The following ZNF273 variants were observed in gnomAD, a reference collection of about 807,000 sequenced individuals.
The protein encoded by ZNF273 is zinc finger protein 273, also known as zinc finger protein 9.
A neutral mutation model predicts 14.9 loss-of-function variants in ZNF273; 11 were observed. The ratio of observed to expected loss-of-function variants is 0.74; its 90% CI spans 0.46 to 1.22. The LOEUF (loss-of-function observed/expected upper bound fraction) is 1.22. Among genes scored for constraint, ZNF273 ranks in the 50% most tolerant of loss-of-function variants. ZNF273 has a pLI of 0.00. For synonymous variants in ZNF273, 199 were observed against 223.9 expected, an observed-to-expected ratio of 0.89 and a Z score of 0.99; for missense variants, 577 against 660.6, an observed-to-expected ratio of 0.87 and a Z score of 1.39.
At chr7:64,882,937 C>A (rs544124327), downstream of ZNF273, among the ~76,000 whole-genome samples, 2 of 152,230 alleles carry the variant, frequency 1.3e-5, no homozygotes, top group East Asian at 1.9e-4. Context: ...GGGAGTGTTG[C>A]GAGTGTTGGC....
chr7:64,881,307 C>T (rs1359265837), downstream of ZNF273, among the ~76,000 whole-genome samples: 1 of 152,212 alleles, frequency 6.6e-6, no homozygotes, highest in Non-Finnish European at 1.5e-5. Context: ...TCTCGTGGGC[C>T]TAGGGTTTCC....
chr7:64,923,996 CA>C (rs1374568731), intron 3 of ZNF273: 1 of 151,932 alleles, frequency 6.6e-6, no homozygotes, highest in Non-Finnish European at 1.5e-5. Flanking sequence ...TTTATGTCTT[CA>C]AAAATGCAAT....
upstream of ZNF273, chr7:64,903,201 G>A: frequency 1.2e-6 from 1 of 802,510 alleles, no homozygotes; most frequent in Non-Finnish European, 2.0e-6. Context: ...CAGGGACGCT[G>A]GGCTGGGACC....
Position 64,927,654 on chromosome 7 carries a change from TTG to T in ZNF273, c.332_333del (p.Cys111PhefsTer31), listed in dbSNP as rs757343058. ...TAATTGTTACTTTTATTTCTTTCAG[TTG>T]TGTGTTCTCATTTTGCCCAAGACCT... On this transcript the variant is annotated frameshift_variant and splice_region_variant, in exon 4 of 4. Transcript: ENST00000476120. LOFTEE classifies it low-confidence loss of function (END_TRUNC). 3 of 1,557,054 alleles carry T rather than the reference TTG, an allele frequency of 1.9e-6. No individual in the cohort carries two copies. In the African/African-American group the frequency reaches 4.1e-5, roughly 22 times the overall value.
At chr7:64,926,327 ATG>A (rs1414248373) in intron 3 of ZNF273, among the ~76,000 whole-genome samples, 2 of 151,924 alleles carry the variant, frequency 1.3e-5, no homozygotes, top group South Asian at 2.1e-4. Flanking sequence ...GTGCTTATAT[ATG>A]TGTGTGTTAT....
At chr7:64,889,126 G>C (rs988005591), downstream of ZNF273, 34 of 985,804 alleles carry the variant, frequency 3.4e-5, no homozygotes, top group Non-Finnish European at 4.1e-5. This position sits in a 1 kb window ranked among gnomAD's most constrained non-coding sequence, Gnocchi z 4.2. Flanking sequence ...GCAGGGATCC[G>C]GGCCTCGTTG....
At chr7:64,888,356 G>A (rs1017813031) in intron 1 of ZNF273, 24 of 985,224 alleles carry the variant, frequency 2.4e-5, no homozygotes, top group African/African-American at 3.5e-5. Context: ...TGCTCCCAGG[G>A]GGAAGCGGGT....
chr7:64,917,458 AT>A, intron 1 of ZNF273, 122 bp from the exon 2 acceptor site: 2 of 1,406,596 alleles, frequency 1.4e-6, no homozygotes, highest in East Asian at 5.6e-5. Context: ...TTATTGGATA[AT>A]TTTAGTCACT....
intron 1 of ZNF273, among the ~76,000 whole-genome samples, chr7:64,887,389 C>A (rs1311305796): frequency 2.0e-5 from 3 of 152,194 alleles, no homozygotes; most frequent in Non-Finnish European, 4.4e-5. Context: ...TGTGGCCCTG[C>A]ATGGCAGGCA....
At chr7:64,905,411 C>T (rs1244177196) in intron 1 of ZNF273, among the ~76,000 whole-genome samples, 1 of 143,100 alleles carries the variant, frequency 7.0e-6, no homozygotes, top group Non-Finnish European at 1.5e-5. Context: ...GCACCCCACG[C>T]TGGCCACACT....
At chr7:64,891,542 T>C (rs530974183), downstream of ZNF273, among the ~76,000 whole-genome samples, 32 of 152,332 alleles carry the variant, frequency 2.1e-4, no homozygotes, top group East Asian at 6.0e-3. Context: ...ATTTGCCATG[T>C]CACCCAGACA....
chr7:64,883,482 G>T (rs2129031834), downstream of ZNF273, among the ~76,000 whole-genome samples: 1 of 152,278 alleles, frequency 6.6e-6, no homozygotes, highest in East Asian at 1.9e-4. Context: ...TAGGGGTAAG[G>T]ATGCAATCTG....
At chr7:64,900,114 C>T (rs1660349276), upstream of ZNF273, among the ~76,000 whole-genome samples, 1 of 150,906 alleles carries the variant, frequency 6.6e-6, no homozygotes, top group Non-Finnish European at 1.5e-5. Context: ...TTTCTTTTCT[C>T]TCTCTTTTTT....
intron 3 of ZNF273, chr7:64,923,375 C>A: frequency 2.2e-6 from 1 of 455,224 alleles, no homozygotes; most frequent in Non-Finnish European, 4.4e-6. Context: ...GATTCTCATT[C>A]TTTCACCCAG....
At chr7:64,915,215 T>C (rs1033587233) in intron 1 of ZNF273, among the ~76,000 whole-genome samples, 1 of 152,140 alleles carries the variant, frequency 6.6e-6, no homozygotes, top group Non-Finnish European at 1.5e-5. Flanking sequence ...TAAAAATGTT[T>C]CCTTTGTGGC....
At chr7:64,882,279 C>T (rs1267591177), downstream of ZNF273, among the ~76,000 whole-genome samples, 1 of 152,182 alleles carries the variant, frequency 6.6e-6, no homozygotes, top group Non-Finnish European at 1.5e-5. Context: ...CAGCTTTCAG[C>T]GCCCACCTCA....
chr7:64,922,352 A>G lies in ZNF273; in HGVS notation c.325+4060A>G, dbSNP rs183248792. Reference sequence around the variant, plus strand: ...TTTGTTTTTTTTTTCCCCCGGAGACAGAGTCTCCCTCTGTCACCCAGACTG... The same window carrying G: ...TTTGTTTTTTTTTTCCCCCGGAGACGGAGTCTCCCTCTGTCACCCAGACTG... On this transcript the variant is annotated intron_variant, in intron 3 of 3. Coordinates refer to ENST00000476120, the MANE Select transcript of ZNF273 (RefSeq NM_021148.3). Among the ~76,000 whole-genome samples, 1,181 of 151,454 alleles carry G rather than the reference A, an allele frequency of 7.8e-3. 16 individuals carry two copies. Among genetic ancestry groups the G allele is most frequent in the African/African-American group, 0.028 (1,138 of 41,306 alleles).
At chr7:64,912,698 G>A (rs543160416) in intron 1 of ZNF273, among the ~76,000 whole-genome samples, 11 of 151,808 alleles carry the variant, frequency 7.2e-5, no homozygotes, top group African/African-American at 2.7e-4. Context: ...AGAATATTTT[G>A]CTCTTCTCTG....
At chr7:64,932,287 A>G (rs1268807548), downstream of ZNF273, among the ~76,000 whole-genome samples, 2 of 151,482 alleles carry the variant, frequency 1.3e-5, no homozygotes, top group Non-Finnish European at 2.9e-5. Flanking sequence ...AAAATTTGCT[A>G]GAAAATATGT....
Sources: allele counts gnomAD v4.1 joint callset (sites outside exome capture counted in the v4.1 genomes callset), GRCh38; gene constraint gnomAD v4.1.1; non-coding constraint Gnocchi (gnomAD v3.1); transcripts MANE v1.5; gene names NCBI Gene and HGNC (gene_info 2026-07-23, HGNC 2026-07-21).